The following CNTNAP5 variants were observed in gnomAD, a reference collection of about 807,000 sequenced individuals.
CNTNAP5 encodes contactin associated protein family member 5.
Under a neutral mutation model 150.2 loss-of-function variants are expected in CNTNAP5, and 72 were observed. That is an observed-to-expected ratio of 0.48 (90% CI 0.40 to 0.58). The LOEUF (loss-of-function observed/expected upper bound fraction) is 0.58, where lower values mean the gene tolerates loss of function less well. Among genes scored for constraint, CNTNAP5 ranks in the 20% least tolerant of loss-of-function variants. CNTNAP5 has a pLI of 0.00. For missense variants in CNTNAP5, 1,636 were observed against 1,626.2 expected (o/e 1.01, Z -0.10); for synonymous variants, 672 against 619.8 (o/e 1.08, Z -1.25).
intron 1 of CNTNAP5, among the ~76,000 whole-genome samples, chr2:124,078,929 C>T (rs1682498055): frequency 6.6e-6 from 1 of 152,176 alleles, no homozygotes; most frequent in Admixed American, 6.5e-5. Context: ...CAGGTTTGTC[C>T]TGTTTCTGAC....
chr2:124,892,040 GA>G (rs1251843728), intron 21 of CNTNAP5, among the ~76,000 whole-genome samples: 2 of 152,074 alleles, frequency 1.3e-5, no homozygotes, highest in Admixed American at 1.3e-4. Context: ...TATGGAGAGG[GA>G]AGTATAAGTC....
intron 10 of CNTNAP5, among the ~76,000 whole-genome samples, chr2:124,528,048 G>A (rs1348058685): frequency 6.6e-6 from 1 of 152,156 alleles, no homozygotes; most frequent in South Asian, 2.1e-4. Flanking sequence ...AAGACACACT[G>A]CAGAAAACCA....
At chr2:124,045,150 A>G (rs1464804810) in intron 1 of CNTNAP5, among the ~76,000 whole-genome samples, 1 of 152,168 alleles carries the variant, frequency 6.6e-6, no homozygotes, top group Non-Finnish European at 1.5e-5. Flanking sequence ...TCCCACTTCA[A>G]GATGCCTCAG....
chr2:124,768,304 T>TGG (rs2104605880), intron 16 of CNTNAP5, among the ~76,000 whole-genome samples: 1 of 148,866 alleles, frequency 6.7e-6, no homozygotes, highest in Non-Finnish European at 1.5e-5. Flanking sequence ...TGTGTGTGTG[T>TGG]GTGTGTATAT....
chr2:124,697,342 T>C (rs769589565), intron 13 of CNTNAP5, among the ~76,000 whole-genome samples: 1 of 152,130 alleles, frequency 6.6e-6, no homozygotes, highest in Non-Finnish European at 1.5e-5. Flanking sequence ...CAGGATGCCA[T>C]GTTACAGTTA....
Position 124,308,530 on chromosome 2 carries a change from A to G in CNTNAP5, c.381+66137A>G, listed in dbSNP as rs187250784. 7.2e-5 allele frequency among the ~76,000 whole-genome samples: 11 copies of G among 152,350 alleles called. No homozygotes were observed. In the East Asian group the frequency reaches 2.1e-3, roughly 29 times the overall value. The stretch of plus-strand genomic sequence containing the variant: ...AACCAAATTAATTGAAAATTAAAGC[A>G]GAGAAGATTTAAGCCAGACACTATT... On this transcript the variant is annotated intron_variant, in intron 3 of 23. Transcript: ENST00000682447.
At chr2:124,415,767 T>A (rs1027520429) in intron 3 of CNTNAP5, among the ~76,000 whole-genome samples, 1 of 152,206 alleles carries the variant, frequency 6.6e-6, no homozygotes, top group Non-Finnish European at 1.5e-5. Context: ...ATGGTGGTGA[T>A]GGTTATACGA....
chr2:124,195,614 TA>T (rs1363775544), intron 1 of CNTNAP5, among the ~76,000 whole-genome samples: 1 of 151,990 alleles, frequency 6.6e-6, no homozygotes, highest in African/African-American at 2.4e-5. Flanking sequence ...TCACACATAT[TA>T]AATACACACA....
intron 3 of CNTNAP5, among the ~76,000 whole-genome samples, chr2:124,408,589 C>T (rs1691659173): frequency 6.6e-6 from 1 of 151,908 alleles, no homozygotes; most frequent in African/African-American, 2.4e-5. Context: ...GACCCCCGAG[C>T]AGCCTAACTG....
Position 124,419,140 on chromosome 2 carries a change from C to CAAAAAAAAAAAAAAAAAA in CNTNAP5, c.529+1556_529+1573dup, listed in dbSNP as rs778863758. Among the ~76,000 whole-genome samples the CAAAAAAAAAAAAAAAAAA allele has an allele frequency of 9.6e-3, 276 of 28,882 alleles. 62 individuals carry two copies. Among genetic ancestry groups the CAAAAAAAAAAAAAAAAAA allele is most frequent in the Non-Finnish European group, 0.015 (220 of 15,118 alleles). 18.9% of individuals were successfully genotyped at this position (28,882 alleles called of 152,430 possible). A position where few individuals can be genotyped will look rare whatever the true frequency, so the allele number is the denominator to read the frequency against. On this transcript the variant is annotated intron_variant, in intron 4 of 23. Transcript: ENST00000682447. ...TGGGCGACAGAGCGAGACTCCTTCT[C>CAAAAAAAAAAAAAAAAAA]AAAAAAAAAAAAAAAAAAAAAAACA...
intron 13 of CNTNAP5, among the ~76,000 whole-genome samples, chr2:124,683,815 T>C (rs1021565300): frequency 6.6e-6 from 1 of 152,202 alleles, no homozygotes; most frequent in Non-Finnish European, 1.5e-5. Flanking sequence ...GAAAAAAAAG[T>C]TTTCTAGTCA....
intron 11 of CNTNAP5, among the ~76,000 whole-genome samples, chr2:124,592,192 T>C (rs1310376251): frequency 6.6e-6 from 1 of 152,128 alleles, no homozygotes. Flanking sequence ...TATGGAAACA[T>C]CTTTTTTCCC....
chr2:124,374,667 G>C (rs1690603687), intron 3 of CNTNAP5, among the ~76,000 whole-genome samples: 1 of 152,098 alleles, frequency 6.6e-6, no homozygotes, highest in Non-Finnish European at 1.5e-5. Flanking sequence ...GTTAGTAAGA[G>C]GACATGTCAC....
intron 8 of CNTNAP5, among the ~76,000 whole-genome samples, chr2:124,523,791 A>G (rs1694903061): frequency 6.6e-6 from 1 of 152,310 alleles, no homozygotes; most frequent in African/African-American, 2.4e-5. Context: ...ACCTCTCTCC[A>G]ACAGGAGGCT....
At chr2:124,188,000 A>T (rs1016686546) in intron 1 of CNTNAP5, among the ~76,000 whole-genome samples, 7 of 152,180 alleles carry the variant, frequency 4.6e-5, no homozygotes, top group Admixed American at 4.6e-4. Context: ...GGGAGTAGGG[A>T]TGAGCACAAA....
intron 3 of CNTNAP5, among the ~76,000 whole-genome samples, chr2:124,414,453 C>A (rs928483866): frequency 6.6e-6 from 1 of 152,050 alleles, no homozygotes; most frequent in Non-Finnish European, 1.5e-5. Context: ...ACTGTGAGAC[C>A]TTGGATCTGC....
At position 124,916,399 on chromosome 2, in the gene CNTNAP5, G is replaced by A. The variant is rs79364252; in HGVS notation, c.*2111G>A. 0.031 allele frequency among the ~76,000 whole-genome samples: 4,740 copies of A among 151,846 alleles called. 270 individuals are homozygous for A. Among genetic ancestry groups the A allele is most frequent in the African/African-American group, 0.11 (4,440 of 41,394 alleles). On this transcript the variant is annotated 3_prime_UTR_variant, in exon 24 of 24. Coordinates refer to ENST00000682447, the MANE Select transcript of CNTNAP5 (RefSeq NM_001367498.1). The stretch of plus-strand genomic sequence containing the variant: ...TTGAATTTTCTATTTCCATAAAAAG[G>A]CTATATAAATCAGCCTTTTGCTTGG...
chr2:124,748,052 A>T (rs1325657408), intron 14 of CNTNAP5, among the ~76,000 whole-genome samples: 1 of 151,606 alleles, frequency 6.6e-6, no homozygotes, highest in South Asian at 2.1e-4. Context: ...TTTTGGGGGG[A>T]GAGAGTGAGA....
At chr2:124,506,136 T>C (rs1694401829) in intron 8 of CNTNAP5, among the ~76,000 whole-genome samples, 1 of 149,886 alleles carries the variant, frequency 6.7e-6, no homozygotes, top group South Asian at 2.1e-4. Flanking sequence ...AGATTCAGGT[T>C]GCCCTGAATG....
Sources: gnomAD v4.1 joint callset for allele counts (sites outside exome capture counted in the v4.1 genomes callset) on GRCh38, gnomAD v4.1.1 for gene constraint, MANE v1.5 for transcripts, NCBI Gene and HGNC (gene_info 2026-07-23, HGNC 2026-07-21) for gene names.